TBC1D5: variants seen among roughly 807,000 people sequenced by gnomAD.
TBC1D5 encodes TBC1 domain family member 5.
Under a neutral mutation model 100.3 loss-of-function variants are expected in TBC1D5, and 75 were observed. That is an observed-to-expected ratio of 0.75 (90% CI 0.62 to 0.91). The LOEUF (loss-of-function observed/expected upper bound fraction) is 0.91, where lower values mean the gene tolerates loss of function less well. TBC1D5 is among the 40% of genes least tolerant of loss of function. The probability of loss-of-function intolerance (pLI) is 0.00; values close to 1 mark genes in which losing one functional copy is unlikely to be tolerated. For missense variants in TBC1D5, 910 were observed against 942.4 expected (o/e 0.97, Z 0.45); for synonymous variants, 323 against 325.6 (o/e 0.99, Z 0.09).
chr3:17,452,907 T>C (rs891679606), intron 3 of TBC1D5, among the ~76,000 whole-genome samples: 2 of 151,854 alleles, frequency 1.3e-5, no homozygotes, highest in African/African-American at 2.4e-5. Flanking sequence ...ATAGACCATA[T>C]GTTAGTTTAC....
At chr3:17,669,147 C>G (rs764872197) in intron 1 of TBC1D5, among the ~76,000 whole-genome samples, 1 of 152,130 alleles carries the variant, frequency 6.6e-6, no homozygotes, top group Non-Finnish European at 1.5e-5. Context: ...CTCATCAGGT[C>G]TGATTATTTT....
At chr3:17,549,085 G>T (rs1475216152) in intron 2 of TBC1D5, among the ~76,000 whole-genome samples, 1 of 149,294 alleles carries the variant, frequency 6.7e-6, no homozygotes, top group Non-Finnish European at 1.5e-5. Context: ...ATCACCTGAG[G>T]TCAGGAGTTA....
intron 15 of TBC1D5, among the ~76,000 whole-genome samples, chr3:17,283,115 T>C (rs974980409): frequency 2.0e-5 from 3 of 152,254 alleles, no homozygotes; most frequent in Admixed American, 6.5e-5. Flanking sequence ...GGAATGTTTC[T>C]TTCCTCTAAG....
chr3:17,482,228 C>T (rs563398735), intron 3 of TBC1D5, among the ~76,000 whole-genome samples: 3 of 148,802 alleles, frequency 2.0e-5, no homozygotes, highest in African/African-American at 5.2e-5. Context: ...TTCCCTATAA[C>T]GTGTACCTTA....
chr3:17,226,887 C>A (rs2074958166), intron 17 of TBC1D5, among the ~76,000 whole-genome samples: 1 of 152,074 alleles, frequency 6.6e-6, no homozygotes, highest in Non-Finnish European at 1.5e-5. Context: ...CATTCTTAAG[C>A]CATCTAGGGT....
chr3:17,531,790 A>G (rs1325187516), intron 2 of TBC1D5, among the ~76,000 whole-genome samples: 1 of 152,258 alleles, frequency 6.6e-6, no homozygotes, highest in Non-Finnish European at 1.5e-5. Flanking sequence ...GTATGTAGAA[A>G]GCTGAAACTG....
chr3:17,508,269 A>G (rs1411978781), intron 3 of TBC1D5, among the ~76,000 whole-genome samples: 1 of 152,206 alleles, frequency 6.6e-6, no homozygotes, highest in Admixed American at 6.5e-5. Flanking sequence ...CATTTGGCTA[A>G]TGCTTCCATG....
At chr3:17,733,385 GCA>G (rs2076718737) in intron 1 of TBC1D5, among the ~76,000 whole-genome samples, 1 of 152,286 alleles carries the variant, frequency 6.6e-6, no homozygotes, top group Middle Eastern at 3.4e-3. Flanking sequence ...ATGTGATTTT[GCA>G]CAGTCTGAGC....
intron 18 of TBC1D5, among the ~76,000 whole-genome samples, chr3:17,187,410 G>T (rs1371904041): frequency 6.6e-6 from 1 of 152,168 alleles, no homozygotes; most frequent in Non-Finnish European, 1.5e-5. Context: ...GAAAAAGAGG[G>T]CACATGAGAA....
At chr3:17,247,094 T>C (rs2076800275) in intron 16 of TBC1D5, among the ~76,000 whole-genome samples, 1 of 152,218 alleles carries the variant, frequency 6.6e-6, no homozygotes, top group Admixed American at 6.5e-5. Flanking sequence ...TAGGTAAGGT[T>C]AGTCACATGG....
chr3:17,544,745 G>T (rs993693785), intron 2 of TBC1D5, among the ~76,000 whole-genome samples: 35 of 151,948 alleles, frequency 2.3e-4, no homozygotes, highest in African/African-American at 6.3e-4. Flanking sequence ...TGAAATAAAG[G>T]AGGAGGAAAG....
chr3:17,693,412 G>A (rs1483793025), intron 1 of TBC1D5, among the ~76,000 whole-genome samples: 2 of 152,138 alleles, frequency 1.3e-5, no homozygotes, highest in Non-Finnish European at 2.9e-5. Flanking sequence ...CTTAACAACC[G>A]GCAGACAAGG....
chr3:17,345,397 A>G (rs1209464383), intron 13 of TBC1D5, among the ~76,000 whole-genome samples: 52 of 152,120 alleles, frequency 3.4e-4, no homozygotes, highest in African/African-American at 1.1e-3. Flanking sequence ...TTAGAATGGC[A>G]ATCATTAAAA....
At chr3:17,372,588 A>T (rs1327938736) in intron 12 of TBC1D5, among the ~76,000 whole-genome samples, 2 of 152,218 alleles carry the variant, frequency 1.3e-5, no homozygotes, top group Admixed American at 6.5e-5. Context: ...CAATACAATT[A>T]GGTAAAATCA....
At chr3:17,288,751 C>A (rs1430218640) in intron 15 of TBC1D5, among the ~76,000 whole-genome samples, 7 of 152,172 alleles carry the variant, frequency 4.6e-5, no homozygotes, top group Non-Finnish European at 2.9e-5. Context: ...CCACCCTCCT[C>A]ACCCTTCAAT....
chr3:17,679,944 C>T (rs2069212566), intron 1 of TBC1D5, among the ~76,000 whole-genome samples: 1 of 151,300 alleles, frequency 6.6e-6, no homozygotes, highest in African/African-American at 2.5e-5. Context: ...CTCTCACAAT[C>T]GTGACAAGTG....
intron 1 of TBC1D5, among the ~76,000 whole-genome samples, chr3:17,638,140 AT>A (rs966826736): frequency 5.9e-5 from 9 of 152,038 alleles, no homozygotes; most frequent in Middle Eastern, 3.4e-3. Flanking sequence ...CATGCATCTT[AT>A]TTTTTAACAG....
intron 3 of TBC1D5, among the ~76,000 whole-genome samples, chr3:17,451,376 T>C (rs1418636420): frequency 6.6e-6 from 1 of 152,176 alleles, no homozygotes; most frequent in Non-Finnish European, 1.5e-5. Flanking sequence ...AAAACATTTA[T>C]GTGGCCAACA....
chr3:17,541,826 A>C (rs1490707037), intron 2 of TBC1D5, among the ~76,000 whole-genome samples: 1 of 152,204 alleles, frequency 6.6e-6, no homozygotes, highest in African/African-American at 2.4e-5. Context: ...CAAGTCTTTC[A>C]CATATAGTAG....
Sources: gnomAD v4.1 joint callset for allele counts (sites outside exome capture counted in the v4.1 genomes callset) on GRCh38, gnomAD v4.1.1 for gene constraint, MANE v1.5 for transcripts, NCBI Gene and HGNC (gene_info 2026-07-23, HGNC 2026-07-21) for gene names.